Variants in CFAP99 observed in about 807,000 individuals in gnomAD.
CFAP99 encodes the protein cilia and flagella associated protein 99.
Under a neutral mutation model 82.7 loss-of-function variants are expected in CFAP99, and 84 were observed. That is an observed-to-expected ratio of 1.02 (90% CI 0.85 to 1.22). The LOEUF (loss-of-function observed/expected upper bound fraction) is 1.22, where lower values mean the gene tolerates loss of function less well. CFAP99 is among the 50% of genes most tolerant of loss of function. The pLI, the probability that CFAP99 is intolerant of heterozygous loss-of-function variation, is 0.00. For missense variants in CFAP99, 1,059 were observed against 983.5 expected, an observed-to-expected ratio of 1.08 and a Z score of -1.03; for synonymous variants, 456 against 429.5, an observed-to-expected ratio of 1.06 and a Z score of -0.76.
intron 2 of CFAP99, 130 bp from the exon 3 acceptor site, chr4:2,436,744 G>A: frequency 2.8e-6 from 2 of 716,728 alleles, no homozygotes; most frequent in Admixed American, 5.3e-5. Context: ...GCTGCCTTGG[G>A]GGCCCCACTA....
Position 2,423,849 on chromosome 4 carries a change from G to A in CFAP99, c.-17-2610G>A, listed in dbSNP as rs535533752. Among the ~76,000 whole-genome samples the A allele has an allele frequency of 1.7e-4, 26 of 151,038 alleles. No individual in the cohort carries two copies. The South Asian group carries it at 4.6e-3, about 27-fold the overall frequency. ...ATCAGGACCGCACTGGCGCAGGAAC[G>A]CACCTCCAGGCAGCCTTGCTGGTCT... On this transcript the variant is annotated intron_variant, in intron 1 of 14. Coordinates refer to ENST00000635017, the Ensembl canonical transcript of CFAP99.
chr4:2,451,140 A>G, intron 9 of CFAP99, 122 bp downstream of exon 9: 2 of 1,449,672 alleles, frequency 1.4e-6, no homozygotes, highest in Non-Finnish European at 1.9e-6. Flanking sequence ...GGACGGCCCC[A>G]CCCTGGGGGA....
intron 14 of CFAP99, among the ~76,000 whole-genome samples, chr4:2,461,084 G>C (rs1734611148): frequency 6.6e-6 from 1 of 152,296 alleles, no homozygotes; most frequent in Admixed American, 6.5e-5. Flanking sequence ...TTTAAACCAG[G>C]ATCTAGTTGA....
At chr4:2,456,811 G>A (rs1425242290) in intron 11 of CFAP99, among the ~76,000 whole-genome samples, 4 of 152,036 alleles carry the variant, frequency 2.6e-5, no homozygotes, top group Admixed American at 2.0e-4. Flanking sequence ...GAGCCACCGC[G>A]CCCGGCCAAT....
At chr4:2,421,286 C>A (rs1733578491) in intron 1 of CFAP99, among the ~76,000 whole-genome samples, 1 of 150,296 alleles carries the variant, frequency 6.7e-6, no homozygotes, top group African/African-American at 2.4e-5. Context: ...TAAACCTCCT[C>A]ATATAATCTC....
chr4:2,430,922 A>T (rs1358219984), intron 2 of CFAP99, among the ~76,000 whole-genome samples: 3 of 151,984 alleles, frequency 2.0e-5, no homozygotes, highest in African/African-American at 7.3e-5. Context: ...AAAATGTAAA[A>T]ATTAGCCAAA....
At chr4:2,440,477 C>T (rs1734011014) in intron 4 of CFAP99, among the ~76,000 whole-genome samples, 1 of 146,152 alleles carries the variant, frequency 6.8e-6, no homozygotes, top group Non-Finnish European at 1.5e-5. Context: ...ACAGGCGGGG[C>T]ATGGTGCCTC....
chr4:2,459,950 G>A (rs1734575835), intron 13 of CFAP99, 87 bp from the exon 14 acceptor site: 3 of 1,206,098 alleles, frequency 2.5e-6, no homozygotes, highest in Non-Finnish European at 3.5e-6. Flanking sequence ...GCAAGGGGTG[G>A]GCCTATGGAA....
chr4:2,421,127 T>C (rs1733576182), intron 1 of CFAP99, among the ~76,000 whole-genome samples: 1 of 152,242 alleles, frequency 6.6e-6, no homozygotes, highest in South Asian at 2.1e-4. Context: ...GCACAAGCCA[T>C]AGGGGCATGA....
chr4:2,433,983 T>C (rs1329445045), intron 2 of CFAP99, among the ~76,000 whole-genome samples: 1 of 152,142 alleles, frequency 6.6e-6, no homozygotes, highest in Non-Finnish European at 1.5e-5. Context: ...CCCTGACTGC[T>C]GGGTCAAAAA....
chr4:2,439,563 A>AG (rs375819116), intron 4 of CFAP99, among the ~76,000 whole-genome samples: 54 of 152,326 alleles, frequency 3.5e-4, no homozygotes, highest in Admixed American at 5.2e-4. Flanking sequence ...AGGTGAAGGG[A>AG]GGGAGAGTGC....
chr4:2,436,830 C>T (rs750280287), intron 2 of CFAP99, 44 bp from the exon 3 acceptor site: 13 of 1,529,112 alleles, frequency 8.5e-6, no homozygotes, highest in African/African-American at 5.5e-5. Flanking sequence ...CCGCCCTTTC[C>T]TCCCGGCCCA....
intron 2 of CFAP99, among the ~76,000 whole-genome samples, chr4:2,434,252 C>T (rs1178722107): frequency 1.3e-5 from 2 of 152,138 alleles, no homozygotes; most frequent in Non-Finnish European, 2.9e-5. Flanking sequence ...GTTCAGGGAG[C>T]GGGGCCAGCT....
At chr4:2,449,210 G>C (rs1251396452) in intron 6 of CFAP99, among the ~76,000 whole-genome samples, 2 of 152,006 alleles carry the variant, frequency 1.3e-5, no homozygotes, top group Non-Finnish European at 2.9e-5. Context: ...GGGATATGGT[G>C]CAGCCGCCCT....
At chr4:2,420,058 C>G (rs1733529890) in intron 1 of CFAP99, among the ~76,000 whole-genome samples, 1 of 151,958 alleles carries the variant, frequency 6.6e-6, no homozygotes, top group South Asian at 2.1e-4. Flanking sequence ...ACTGTGCCCT[C>G]TCCGTGACAC....
chr4:2,445,973 A>T (rs1472005864), intron 6 of CFAP99, among the ~76,000 whole-genome samples: 1 of 152,162 alleles, frequency 6.6e-6, no homozygotes, highest in Admixed American at 6.5e-5. Flanking sequence ...GATCACTGTG[A>T]TCAGGAATAT....
At chr4:2,441,947 C>T (rs1441052992) in intron 4 of CFAP99, among the ~76,000 whole-genome samples, 1 of 152,196 alleles carries the variant, frequency 6.6e-6, no homozygotes, top group Non-Finnish European at 1.5e-5. Flanking sequence ...GGCCCTGAGA[C>T]ACCTGTAGGG....
chr4:2,429,883 A>T (rs930463904), intron 2 of CFAP99, among the ~76,000 whole-genome samples: 1 of 152,160 alleles, frequency 6.6e-6, no homozygotes, highest in Admixed American at 6.5e-5. Flanking sequence ...GAGCCACTGC[A>T]CCCAGCCTTT....
At chr4:2,458,902 C>G (rs1344463992) in intron 12 of CFAP99, 38 bp downstream of exon 12, 4 of 1,514,740 alleles carry the variant, frequency 2.6e-6, no homozygotes, top group East Asian at 4.9e-5. Flanking sequence ...CTACCCCGCT[C>G]TTCCCCACTC....
Sources: gnomAD v4.1 joint callset for allele counts (sites outside exome capture counted in the v4.1 genomes callset) on GRCh38, gnomAD v4.1.1 for gene constraint, MANE v1.5 for transcripts, NCBI Gene and HGNC (gene_info 2026-07-23, HGNC 2026-07-21) for gene names.